The following EHMT1 variants were observed in gnomAD, a reference collection of about 807,000 sequenced individuals.
EHMT1 encodes the protein histone-lysine N-methyltransferase EHMT1.
A neutral mutation model predicts 147.2 loss-of-function variants in EHMT1; 15 were observed. The observed-to-expected ratio is 0.10, with a 90% CI of 0.07 to 0.16. EHMT1 has a LOEUF of 0.16. Among genes scored for constraint, EHMT1 ranks in the 10% least tolerant of loss-of-function variants. EHMT1 has a pLI of 1.00. For missense variants in EHMT1, 1,587 were observed against 1,772.4 expected (o/e 0.90, Z 1.88); for synonymous variants, 795 against 709.6 (o/e 1.12, Z -1.91).
At position 137,776,344 on chromosome 9, in the gene EHMT1, G is replaced by A. The variant is rs917785059; in HGVS notation, c.1792-274G>A. On this transcript the variant is annotated intron_variant, in intron 11 of 26. Coordinates refer to ENST00000460843, the MANE Select transcript of EHMT1 (RefSeq NM_024757.5). The surrounding 1 kb of genome is among the most constrained non-coding windows in gnomAD (Gnocchi z 4.4). ...GTCCTTCTTTAGGCCTTCTCTTTGCGGGCAGCCTCAGCTTTCCTGGGCCTA... is the reference window on the plus strand; with the variant it reads ...GTCCTTCTTTAGGCCTTCTCTTTGCAGGCAGCCTCAGCTTTCCTGGGCCTA... Among the ~76,000 whole-genome samples, 2 of 152,022 alleles carry A rather than the reference G, an allele frequency of 1.3e-5. No homozygotes were observed. The highest frequency in any genetic ancestry group is 2.4e-5 in the African/African-American group (1 of 41,406).
rs551369152 is a variant in EHMT1, at chr9:137,821,318, C to T, written c.3540+3180C>T. On this transcript the variant is annotated intron_variant, in intron 25 of 26. Transcript: ENST00000460843. ...ACAGGCATGAGCCACTGCGCCCGGC[C>T]TTTTTTTTTTTTTTTTTTTTTTTTT... Among the ~76,000 whole-genome samples the T allele has an allele frequency of 6.1e-4, 39 of 63,990 alleles. 2 individuals carry two copies. The East Asian group carries it at 0.02, about 34-fold the overall frequency. 42.0% of individuals were successfully genotyped at this position (63,990 alleles called of 152,430 possible).
chr9:137,810,040 C>G (rs56161614), intron 18 of EHMT1, among the ~76,000 whole-genome samples: 1 of 113,354 alleles, frequency 8.8e-6, no homozygotes, highest in Non-Finnish European at 1.6e-5. Flanking sequence ...GAGGCGGTTC[C>G]GATGCCGCCC....
intron 25 of EHMT1, among the ~76,000 whole-genome samples, chr9:137,821,314 C>T (rs1192833374): frequency 1.0e-4 from 13 of 124,656 alleles, no homozygotes; most frequent in East Asian, 5.2e-4. Context: ...CCACTGCGCC[C>T]GGCCTTTTTT....
rs1296727919 is a variant in EHMT1, at chr9:137,775,955, G to C, written c.1792-663G>C. On this transcript the variant is annotated intron_variant, in intron 11 of 26. Transcript: ENST00000460843. This position sits in a 1 kb window ranked among gnomAD's most constrained non-coding sequence, Gnocchi z 6.1. ...TGCCTGTAAGCGTCTGTCTGTGTGC[G>C]CCTGTGTGTGTGAGTGTTTGAGTGT... Among the ~76,000 whole-genome samples, 2 of 152,046 alleles carry C rather than the reference G, an allele frequency of 1.3e-5. No individual in the cohort carries two copies. Among genetic ancestry groups the C allele is most frequent in the Non-Finnish European group, 2.9e-5 (2 of 68,014 alleles).
intron 14 of EHMT1, among the ~76,000 whole-genome samples, chr9:137,780,621 T>C (rs1951360646): frequency 8.1e-6 from 1 of 122,956 alleles, no homozygotes; most frequent in Non-Finnish European, 1.7e-5. Context: ...TGTGTGGTGA[T>C]GACGCTGAGA....
chr9:137,656,622 C>T (rs1226051068), intron 1 of EHMT1, among the ~76,000 whole-genome samples: 1 of 152,104 alleles, frequency 6.6e-6, no homozygotes, highest in Non-Finnish European at 1.5e-5. Context: ...GAGGCAGGGG[C>T]ATATGTCCAG....
chr9:137,792,173 G>C (rs1438580508), intron 16 of EHMT1: 1 of 457,968 alleles, frequency 2.2e-6, no homozygotes, highest in Non-Finnish European at 4.5e-6. Context: ...TACTATATAC[G>C]GCCACAGTAA....
chr9:137,728,817 A>G (rs1418302372), intron 4 of EHMT1, among the ~76,000 whole-genome samples: 1 of 152,106 alleles, frequency 6.6e-6, no homozygotes, highest in Non-Finnish European at 1.5e-5. Context: ...TGGGGAGAAG[A>G]CCCTGGAGTT....
chr9:137,742,532 T>G (rs1948191463), intron 4 of EHMT1, among the ~76,000 whole-genome samples: 1 of 152,170 alleles, frequency 6.6e-6, no homozygotes, highest in Non-Finnish European at 1.5e-5. Flanking sequence ...AGATCTGTTT[T>G]TCTTTAAATC....
At chr9:137,742,242 C>G (rs1287311924) in intron 4 of EHMT1, among the ~76,000 whole-genome samples, 3 of 151,998 alleles carry the variant, frequency 2.0e-5, no homozygotes, top group African/African-American at 7.3e-5. Context: ...GGTTCTCACT[C>G]GTTCACGTCC....
rs574690850 is a variant in EHMT1 at position 137,767,315 on chromosome 9, C to T, written c.1647+4495C>T. 5.3e-5 allele frequency among the ~76,000 whole-genome samples: 8 copies of T among 152,204 alleles called. No homozygotes were observed. The South Asian group carries it at 6.2e-4, about 12-fold the overall frequency. On this transcript the variant is annotated intron_variant, in intron 10 of 26. Transcript: ENST00000460843. ...TTTTATCTAACATAGTCACGTGCTG[C>T]GTAACAGCGTTCAGCCAACGATGGA...
In EHMT1 at chr9:137,813,366, A is replaced by C. The variant is rs760414584; in HGVS notation, c.3036-20A>C. 3.7e-5 allele frequency: 60 copies of C among 1,605,868 alleles called. No individual in the cohort carries two copies. The highest frequency in any genetic ancestry group is 2.5e-5 in the Non-Finnish European group (29 of 1,177,756). On this transcript the variant is annotated intron_variant, in intron 20 of 26. Coordinates refer to ENST00000460843, the MANE Select transcript of EHMT1 (RefSeq NM_024757.5). This position sits in a 1 kb window ranked among gnomAD's most constrained non-coding sequence, Gnocchi z 4.9. ...CAGAGCACGTCAGCCACCAGGTGAC[A>C]CCTGTCCTTTCCATGGCAGGGACAT...
chr9:137,753,301 CGTGGTG>C (rs1209788276), intron 7 of EHMT1, among the ~76,000 whole-genome samples: 1 of 152,094 alleles, frequency 6.6e-6, no homozygotes, highest in Admixed American at 6.5e-5. Flanking sequence ...ACACGGGGGC[CGTGGTG>C]TTCGGCGATG....
intron 1 of EHMT1, among the ~76,000 whole-genome samples, chr9:137,697,831 C>A (rs371934130): frequency 6.6e-6 from 1 of 152,198 alleles, no homozygotes; most frequent in Admixed American, 6.5e-5. Context: ...TTAAGTTTTC[C>A]GTTCAGATGA....
In EHMT1 at chr9:137,782,829, A is replaced by G. The variant is rs1386119283; in HGVS notation, c.2382+432A>G. ...GGGTATGTTGTGTCTGTCGTTAATCACTGGCTTGTGTTTCTGTTGGTTGAG... is the reference window on the plus strand; with the variant it reads ...GGGTATGTTGTGTCTGTCGTTAATCGCTGGCTTGTGTTTCTGTTGGTTGAG... On this transcript the variant is annotated intron_variant, in intron 15 of 26. Transcript: ENST00000460843. This position sits in a 1 kb window ranked among gnomAD's most constrained non-coding sequence, Gnocchi z 5.7. Among the ~76,000 whole-genome samples, 1 of 152,072 alleles carries G rather than the reference A, an allele frequency of 6.6e-6. No individual in the cohort carries two copies. The highest frequency in any genetic ancestry group is 2.1e-4 in the South Asian group (1 of 4,816).
At chr9:137,721,175 ACC>A (rs11352522) in intron 3 of EHMT1, among the ~76,000 whole-genome samples, 1 of 49,024 alleles carries the variant, frequency 2.0e-5, no homozygotes, top group Non-Finnish European at 3.9e-5. Flanking sequence ...TCTCACACTC[ACC>A]CCCTCCCAGA....
At chr9:137,724,321 C>G (rs1041406639) in intron 3 of EHMT1, among the ~76,000 whole-genome samples, 1 of 152,172 alleles carries the variant, frequency 6.6e-6, no homozygotes, top group Admixed American at 6.5e-5. Context: ...AGGGGCCTCC[C>G]GCCCCCACAG....
At chr9:137,718,012 C>CA (rs1262003866) in intron 3 of EHMT1, among the ~76,000 whole-genome samples, 2 of 151,772 alleles carry the variant, frequency 1.3e-5, no homozygotes, top group African/African-American at 4.8e-5. Flanking sequence ...AGGGCGCGCC[C>CA]ACCCCTCGCA....
chr9:137,754,576 G>T (rs180697154), intron 8 of EHMT1, among the ~76,000 whole-genome samples: 35 of 151,938 alleles, frequency 2.3e-4, no homozygotes, highest in Middle Eastern at 3.4e-3. Flanking sequence ...GCAGTGGCAC[G>T]ATCTCAGCTC....
Sources: allele counts gnomAD v4.1 joint callset (sites outside exome capture counted in the v4.1 genomes callset), GRCh38; gene constraint gnomAD v4.1.1; non-coding constraint Gnocchi (gnomAD v3.1); transcripts MANE v1.5; gene names NCBI Gene and HGNC (gene_info 2026-07-23, HGNC 2026-07-21).